PALM2AKAP2: variants seen among roughly 807,000 people sequenced by gnomAD.
PALM2AKAP2 encodes PALM2 and AKAP2 fusion.
PALM2AKAP2 carries 37 observed loss-of-function variants against 71.5 expected under a neutral mutation model. That is an observed-to-expected ratio of 0.52 (90% CI 0.40 to 0.68). PALM2AKAP2 has a LOEUF of 0.68. PALM2AKAP2 is among the 30% of genes least tolerant of loss of function. The pLI is 0.00. For missense variants in PALM2AKAP2, 1,224 were observed against 1,191.8 expected, an observed-to-expected ratio of 1.03 and a Z score of -0.40; for synonymous variants, 468 against 478.8, an observed-to-expected ratio of 0.98 and a Z score of 0.29.
At chr9:109,767,936 AG>A (rs1829181551) in intron 1 of PALM2AKAP2, among the ~76,000 whole-genome samples, 1 of 152,254 alleles carries the variant, frequency 6.6e-6, no homozygotes, top group Non-Finnish European at 1.5e-5. Flanking sequence ...GTGGGATGGA[AG>A]GAAAAGAGGG....
Position 110,135,164 on chromosome 9 carries a change from A to AAATAT in PALM2AKAP2, c.157-962_157-961insATATA. 3.9e-4 allele frequency among the ~76,000 whole-genome samples: 20 copies of AAATAT among 51,712 alleles called. 1 individual carries two copies. The highest frequency in any genetic ancestry group is 5.9e-4 in the African/African-American group (8 of 13,620). The allele number at this position is 51,712 out of a possible 152,430, so 33.9% of individuals were successfully genotyped here. On this transcript the variant is annotated intron_variant, in intron 1 of 3. Coordinates refer to ENST00000374525, the Ensembl canonical transcript of PALM2AKAP2. Reference sequence around the variant, plus strand: ...AACTCTGTCTCTACAAAAAAAAAAAAATATATAAATATATATATATATATA... The same window carrying AAATAT: ...AACTCTGTCTCTACAAAAAAAAAAAAAATATATATATAAATATATATATATATATA...
chr9:110,046,617 C>T (rs914949495), upstream of PALM2AKAP2, among the ~76,000 whole-genome samples: 1 of 151,926 alleles, frequency 6.6e-6, no homozygotes, highest in Non-Finnish European at 1.5e-5. Flanking sequence ...TGAAGGCATG[C>T]GCCACCACGC....
chr9:109,931,369 T>TGAGATC (rs1270253693), intron 5 of PALM2AKAP2, among the ~76,000 whole-genome samples: 4 of 152,240 alleles, frequency 2.6e-5, no homozygotes, highest in Admixed American at 2.6e-4. Context: ...CAGCCTGCAG[T>TGAGATC]ATTGAAAACA....
At position 109,929,303 on chromosome 9, in the gene PALM2AKAP2, TC is replaced by T. The variant is rs796124198; in HGVS notation, c.395-2621del. 2.6e-5 allele frequency among the ~76,000 whole-genome samples: 4 copies of T among 152,060 alleles called. No homozygotes were observed. The South Asian group carries it at 8.3e-4, about 32-fold the overall frequency. On this transcript the variant is annotated intron_variant, in intron 5 of 9. Transcript: ENST00000302798. ...ATGCAGAAAGTCAAATTCACCAAGA[TC>T]CCATTCCACAGATTTCTGGAAATTA... is the stretch of plus-strand genomic sequence containing the variant.
At chr9:109,954,868 C>A (rs1392017939) in intron 6 of PALM2AKAP2, among the ~76,000 whole-genome samples, 1 of 152,116 alleles carries the variant, frequency 6.6e-6, no homozygotes, top group Non-Finnish European at 1.5e-5. Flanking sequence ...ATATTTCCGA[C>A]TTCTCTTGAG....
At chr9:109,886,153 G>A (rs933883904) in intron 3 of PALM2AKAP2, among the ~76,000 whole-genome samples, 20 of 152,298 alleles carry the variant, frequency 1.3e-4, no homozygotes, top group African/African-American at 4.8e-4. Flanking sequence ...TCTTCTGTAT[G>A]CTTTGCTTCT....
At chr9:109,678,552 C>T (rs1343690103) in intron 1 of PALM2AKAP2, among the ~76,000 whole-genome samples, 4 of 152,166 alleles carry the variant, frequency 2.6e-5, no homozygotes, top group African/African-American at 7.2e-5. Context: ...GAGATAACAG[C>T]GTTGGGTTTC....
intron 1 of PALM2AKAP2, among the ~76,000 whole-genome samples, chr9:109,755,484 T>C (rs1311221426): frequency 1.3e-5 from 2 of 152,098 alleles, no homozygotes; most frequent in African/African-American, 4.8e-5. Context: ...CATTTGAGTA[T>C]AGGAACATAT....
chr9:109,764,505 G>A (rs945547331), intron 1 of PALM2AKAP2, among the ~76,000 whole-genome samples: 1 of 152,032 alleles, frequency 6.6e-6, no homozygotes, highest in Non-Finnish European at 1.5e-5. Flanking sequence ...TGCCTTCCTG[G>A]ACCCTTCTCT....
chr9:110,110,738 G>C (rs1199944562), intron 1 of PALM2AKAP2, among the ~76,000 whole-genome samples: 1 of 151,694 alleles, frequency 6.6e-6, no homozygotes, highest in Non-Finnish European at 1.5e-5. Flanking sequence ...GTAGAGTCAG[G>C]GTTTCACAAT....
intron 1 of PALM2AKAP2, among the ~76,000 whole-genome samples, chr9:109,832,477 G>A (rs1191614028): frequency 6.6e-6 from 1 of 152,118 alleles, no homozygotes; most frequent in East Asian, 1.9e-4. Flanking sequence ...TAGCTCTTTG[G>A]AACTTTTCAA....
chr9:110,138,415 C>G, exon 2 of PALM2AKAP2: 2 of 1,614,208 alleles, frequency 1.2e-6, no homozygotes, highest in Non-Finnish European at 1.7e-6. Context: ...AGGAAGAGAT[C>G]CGAGCAGCTC....
At chr9:109,669,326 G>A (rs1827539544) in intron 1 of PALM2AKAP2, among the ~76,000 whole-genome samples, 1 of 151,614 alleles carries the variant, frequency 6.6e-6, no homozygotes, top group African/African-American at 2.4e-5. Flanking sequence ...GATCTAATGA[G>A]ACAATCACAT....
At chr9:109,987,351 G>T (rs958875116) in intron 6 of PALM2AKAP2, among the ~76,000 whole-genome samples, 1 of 151,956 alleles carries the variant, frequency 6.6e-6, no homozygotes, top group Non-Finnish European at 1.5e-5. Context: ...GGCTGGTCTC[G>T]AAATCCTGAC....
intron 1 of PALM2AKAP2, among the ~76,000 whole-genome samples, chr9:109,722,423 A>G (rs1311506691): frequency 2.0e-5 from 3 of 152,200 alleles, no homozygotes; most frequent in Non-Finnish European, 4.4e-5. Context: ...ACTTTTCACT[A>G]TAATATGCTA....
intron 6 of PALM2AKAP2, among the ~76,000 whole-genome samples, chr9:109,982,895 A>T (rs117468663): frequency 0.093 from 14,109 of 152,178 alleles, 797 homozygotes; most frequent in East Asian, 0.16. Context: ...AAGTGTTAAA[A>T]ATATAGGTGT....
At chr9:109,784,777 G>T (rs541886829) in intron 1 of PALM2AKAP2, among the ~76,000 whole-genome samples, 1 of 152,374 alleles carries the variant, frequency 6.6e-6, no homozygotes, top group South Asian at 2.1e-4. Context: ...TGCCACCCAA[G>T]ATGGCGGCAG....
At chr9:110,063,570 G>C (rs1415933567) in intron 1 of PALM2AKAP2, among the ~76,000 whole-genome samples, 2 of 151,802 alleles carry the variant, frequency 1.3e-5, no homozygotes, top group African/African-American at 4.8e-5. Flanking sequence ...CTCCCAAGTA[G>C]CTGGGATTAC....
At chr9:109,780,246 T>C (rs1387510567), upstream of PALM2AKAP2, 2 of 1,122,212 alleles carry the variant, frequency 1.8e-6, no homozygotes, top group East Asian at 4.6e-5. Flanking sequence ...GACCGGGAGA[T>C]GCAGTGAGCG....
Sources: gnomAD v4.1 joint callset for allele counts (sites outside exome capture counted in the v4.1 genomes callset) on GRCh38, gnomAD v4.1.1 for gene constraint, MANE v1.5 for transcripts, NCBI Gene and HGNC (gene_info 2026-07-23, HGNC 2026-07-21) for gene names.